Variants in ADNP2 observed in about 807,000 individuals in gnomAD.
ADNP2 encodes activity-dependent neuroprotector homeobox protein 2.
In ADNP2, 8 loss-of-function variants were observed where a neutral mutation model predicts 16.4. The observed-to-expected ratio is 0.49, with a 90% CI of 0.29 to 0.88. ADNP2 has a LOEUF of 0.88. Ranked by LOEUF, ADNP2 falls within the 40% of genes least tolerant of loss-of-function variation. The pLI is 0.09. For synonymous variants in ADNP2, 637 were observed against 545.8 expected, an observed-to-expected ratio of 1.17 and a Z score of -2.33; for missense variants, 1,397 against 1,395.1, an observed-to-expected ratio of 1.00 and a Z score of -0.02.
chr18:80,122,565 A>G (rs995224057), intron 2 of ADNP2, among the ~76,000 whole-genome samples: 4 of 152,346 alleles, frequency 2.6e-5, no homozygotes, highest in African/African-American at 7.2e-5. Context: ...AATTCATACA[A>G]TAAACTCATA....
In ADNP2 at chr18:80,109,379, G is replaced by T. The variant is rs1325763992; in HGVS notation, c.-107G>T. On this transcript the variant is annotated 5_prime_UTR_variant, in exon 1 of 4. The change creates a new upstream start codon in the 5' untranslated region. Coordinates refer to ENST00000262198, the MANE Select transcript of ADNP2 (RefSeq NM_014913.4). ...CGGGGCGGAGGCGCGGGCGGGCGCA[G>T]GCGGCCCCACGGGACGCGGCTGCGC... 1.3e-5 allele frequency: 2 copies of T among 148,932 alleles called. No individual in the cohort carries two copies. The highest frequency in any genetic ancestry group is 3.9e-4 in the East Asian group (2 of 5,138). The allele number at this position is 148,932 out of a possible 1,614,324, so 9.2% of individuals were successfully genotyped here.
At chr18:80,126,685 G>T (rs1289234077) in intron 2 of ADNP2, among the ~76,000 whole-genome samples, 1 of 151,828 alleles carries the variant, frequency 6.6e-6, no homozygotes, top group Non-Finnish European at 1.5e-5. Flanking sequence ...GGTTTTCTTT[G>T]TGTGTCTTTT....
intron 2 of ADNP2, among the ~76,000 whole-genome samples, chr18:80,131,653 C>T (rs2052497468): frequency 6.6e-6 from 1 of 150,854 alleles, no homozygotes; most frequent in East Asian, 2.0e-4. Context: ...TATACATGTA[C>T]CAATACTATG....
intron 1 of ADNP2, among the ~76,000 whole-genome samples, chr18:80,112,402 GT>G (rs1170877287): frequency 6.6e-6 from 1 of 151,046 alleles, no homozygotes; most frequent in Admixed American, 6.6e-5. Context: ...TCCTTTGTTG[GT>G]TTCCCTAAAG....
chr18:80,119,470 A>G (rs2052410692), intron 2 of ADNP2, among the ~76,000 whole-genome samples: 1 of 152,034 alleles, frequency 6.6e-6, no homozygotes, highest in Non-Finnish European at 1.5e-5. Flanking sequence ...GTAGAGAGAA[A>G]GAACCAAGGA....
intron 2 of ADNP2, among the ~76,000 whole-genome samples, chr18:80,128,371 G>A (rs2052473944): frequency 6.6e-6 from 1 of 152,174 alleles, no homozygotes; most frequent in South Asian, 2.1e-4. Context: ...TAATAACTTG[G>A]CCAGGTGCGG....
Position 80,138,937 on chromosome 18 carries a change from T to TA in ADNP2, c.*129dup. On this transcript the variant is annotated 3_prime_UTR_variant, in exon 4 of 4. Transcript: ENST00000262198. ...TGGTCACTGTGCTGCTCTGCAGAGT[T>TA]ACTTCAGGTGCTGGAGAGACCCCTG... is the stretch of plus-strand genomic sequence containing the variant. 1 of 867,346 alleles carries TA rather than the reference T, an allele frequency of 1.2e-6. No homozygotes were observed. Among genetic ancestry groups the TA allele is most frequent in the East Asian group, 2.9e-5 (1 of 34,654 alleles). The allele number at this position is 867,346 out of a possible 1,614,324, so 53.7% of individuals were successfully genotyped here. A position where few individuals can be genotyped will look rare whatever the true frequency, so the allele number is the denominator to read the frequency against.
intron 3 of ADNP2, among the ~76,000 whole-genome samples, chr18:80,134,509 T>C (rs1426394054): frequency 6.6e-6 from 1 of 151,852 alleles, no homozygotes; most frequent in East Asian, 1.9e-4. Context: ...CTCTGGGGCT[T>C]TAGATGAAGC....
intron 2 of ADNP2, among the ~76,000 whole-genome samples, chr18:80,132,638 T>C (rs2052504504): frequency 6.6e-6 from 1 of 150,654 alleles, no homozygotes; most frequent in Non-Finnish European, 1.5e-5. Flanking sequence ...CTTTCTCTCT[T>C]TTTTTCTCTC....
chr18:80,137,126 G>A lies in ADNP2; in HGVS notation c.1713G>A (p.Val571=), dbSNP rs752007170. 1 of 1,614,178 alleles carries A rather than the reference G, an allele frequency of 6.2e-7. No individual in the cohort carries two copies. The highest frequency in any genetic ancestry group is 1.1e-5 in the South Asian group (1 of 91,078). Residue 571 remains valine (V), a synonymous_variant, in exon 4 of 4, where the codon GTG becomes GTA. Coordinates refer to ENST00000262198, the MANE Select transcript of ADNP2 (RefSeq NM_014913.4). This position sits in a 1 kb window ranked among gnomAD's most constrained non-coding sequence, Gnocchi z 4.2. ...GGGTCTTGCAACTCAACCAGACTGT[G>A]GGCACCAACATTCTGCCTGTGAATC... ...RPGVLQLNQT[V]GTNILPVNQP... is the part of the protein sequence containing the mutation.
chr18:80,136,989 G>A lies in ADNP2; in HGVS notation c.1576G>A (p.Val526Ile). Residue 526 changes from valine to isoleucine, a missense_variant, in exon 4 of 4, where the codon GTC becomes ATC. By Grantham distance (29) the Val-to-Ile change is conservative. Transcript: ENST00000262198. ...PSGLLSPNQT[V>I]SSSAVVPVNQ... is the part of the protein sequence containing the mutation. ...TGGGCTTCTTTCTCCCAACCAGACA[G>A]TCTCCTCCTCAGCTGTTGTGCCTGT... is the stretch of plus-strand genomic sequence containing the variant. The A allele has an allele frequency of 6.2e-7, 1 of 1,614,108 alleles. No homozygotes were observed. The highest frequency in any genetic ancestry group is 1.1e-5 in the South Asian group (1 of 91,082).
chr18:80,120,217 T>C (rs1309325961), intron 2 of ADNP2, among the ~76,000 whole-genome samples: 2 of 152,166 alleles, frequency 1.3e-5, no homozygotes. Flanking sequence ...AATTCAAAGA[T>C]AGATTGTTAA....
At chr18:80,118,693 G>C (rs184336697) in intron 2 of ADNP2, among the ~76,000 whole-genome samples, 53 of 152,166 alleles carry the variant, frequency 3.5e-4, no homozygotes, top group Admixed American at 2.9e-3. Context: ...CTTTGTTTTT[G>C]ACTTGACTGG....
chr18:80,124,775 C>G (rs1318894042), intron 2 of ADNP2, among the ~76,000 whole-genome samples: 1 of 152,200 alleles, frequency 6.6e-6, no homozygotes, highest in Non-Finnish European at 1.5e-5. Flanking sequence ...CCAGTCATCT[C>G]ATTAGCACAC....
intron 2 of ADNP2, among the ~76,000 whole-genome samples, chr18:80,124,937 A>T (rs116623305): frequency 1.2e-3 from 184 of 152,356 alleles, no homozygotes; most frequent in African/African-American, 4.3e-3. Context: ...CATAATATAT[A>T]GGCCCAACTA....
intron 2 of ADNP2, among the ~76,000 whole-genome samples, chr18:80,123,358 CT>C (rs869060499): frequency 2.0e-5 from 3 of 151,218 alleles, no homozygotes; most frequent in African/African-American, 4.9e-5. Context: ...GTTCCCTCCT[CT>C]TTTTTTTTGT....
Position 80,138,559 on chromosome 18 carries a change from G to T in ADNP2, c.3146G>T (p.Arg1049Leu). ...LALDPKKYEG[R>L]SYEEKKQFLK... ...TTAGATCCTAAAAAATATGAAGGCCGTTCTTATGAAGAAAAGAAGCAATTT... is the reference window on the plus strand; with the variant it reads ...TTAGATCCTAAAAAATATGAAGGCCTTTCTTATGAAGAAAAGAAGCAATTT... Residue 1049 changes from arginine (R) to leucine (L), a missense_variant, in exon 4 of 4, where the codon CGT (arginine) becomes CTT (leucine). Transcript: ENST00000262198. The T allele has an allele frequency of 6.2e-7, 1 of 1,611,194 alleles. No individual in the cohort carries two copies. Among genetic ancestry groups the T allele is most frequent in the Non-Finnish European group, 8.5e-7 (1 of 1,179,398 alleles).
chr18:80,119,397 G>C (rs2052409825), intron 2 of ADNP2, among the ~76,000 whole-genome samples: 1 of 138,906 alleles, frequency 7.2e-6, no homozygotes, highest in Non-Finnish European at 1.5e-5. Context: ...GGGTGACAGA[G>C]TGACAGACTC....
Position 80,138,625 on chromosome 18 carries a change from A to C in ADNP2, c.3212A>C (p.Lys1071Thr), listed in dbSNP as rs2052560169. ...CATAAGAAACCATATCCTAGTAAAA[A>C]GGAAATAGAACTGTTGTCCTCACTC... Reference protein sequence around the residue: ...YFHKKPYPSKKEIELLSSLFW... With the variant: ...YFHKKPYPSKTEIELLSSLFW... Residue 1071 changes from lysine to threonine, a missense_variant, in exon 4 of 4, where the codon AAG becomes ACG. Around this residue, in one of 3 missense-constraint regions of ADNP2, gnomAD observed 611 missense variants for 648.7 expected, o/e 0.94. Transcript: ENST00000262198. 6.2e-7 allele frequency: 1 copy of C among 1,607,716 alleles called. No homozygotes were observed. The highest frequency in any genetic ancestry group is 1.3e-5 in the African/African-American group (1 of 74,432).
Sources: gnomAD v4.1 joint callset for allele counts (sites outside exome capture counted in the v4.1 genomes callset) on GRCh38, gnomAD v4.1.1 for gene constraint, gnomAD v4.1.1 regional missense constraint, Gnocchi (gnomAD v3.1) non-coding constraint, MANE v1.5 for transcripts, NCBI Gene and HGNC (gene_info 2026-07-23, HGNC 2026-07-21) for gene names.